Variants in NPEPPS observed in about 807,000 individuals in gnomAD.
NPEPPS encodes the protein puromycin-sensitive aminopeptidase.
NPEPPS carries 14 observed loss-of-function variants against 115.5 expected under a neutral mutation model. The ratio of observed to expected loss-of-function variants is 0.12; its 90% CI spans 0.08 to 0.19. The LOEUF is 0.19. Ranked by LOEUF, NPEPPS falls within the 10% of genes least tolerant of loss-of-function variation. The pLI is 1.00. For synonymous variants in NPEPPS, 285 were observed against 390.6 expected, an observed-to-expected ratio of 0.73 and a Z score of 3.19; for missense variants, 523 against 1,110.8, an observed-to-expected ratio of 0.47 and a Z score of 7.52.
At chr17:47,536,479 G>C (rs376115560) in intron 1 of NPEPPS, among the ~76,000 whole-genome samples, 2 of 140,202 alleles carry the variant, frequency 1.4e-5, no homozygotes, top group Non-Finnish European at 3.0e-5. Context: ...CGCAGCCTCT[G>C]CCCCCCCAGG....
intron 9 of NPEPPS, among the ~76,000 whole-genome samples, chr17:47,588,076 A>G (rs1393366428): frequency 1.3e-5 from 2 of 152,034 alleles, no homozygotes; most frequent in Non-Finnish European, 2.9e-5. Context: ...ATTCCCTGAC[A>G]TTTTAGGCTG....
chr17:47,584,075 G>C lies in NPEPPS; in HGVS notation c.648+1226G>C, dbSNP rs551367101. 3.9e-5 allele frequency among the ~76,000 whole-genome samples: 6 copies of C among 151,970 alleles called. No individual in the cohort carries two copies. In the East Asian group the frequency reaches 1.2e-3, roughly 29 times the overall value. On this transcript the variant is annotated intron_variant, in intron 5 of 22. Coordinates refer to ENST00000322157, the MANE Select transcript of NPEPPS (RefSeq NM_006310.4). The stretch of plus-strand genomic sequence containing the variant: ...ATCTCTACTAAAAATACAAAAATTA[G>C]CCAGATATGGTGGCAGGCACCTGTA...
At chr17:47,529,735 CATTATATATATATATA>C (rs1402196241), upstream of NPEPPS, among the ~76,000 whole-genome samples, 46 of 19,010 alleles carry the variant, frequency 2.4e-3, 7 homozygotes, top group Non-Finnish European at 3.6e-3. Context: ...ATTTCAGTTA[CATTATATATATATATA>C]TATATATATA....
intron 1 of NPEPPS, among the ~76,000 whole-genome samples, chr17:47,534,905 C>T (rs1417956412): frequency 6.6e-6 from 1 of 151,900 alleles, no homozygotes; most frequent in Non-Finnish European, 1.5e-5. Context: ...GGGGTGTGGA[C>T]TGCTGCAGAA....
At chr17:47,535,739 G>A (rs1488493889) in intron 1 of NPEPPS, among the ~76,000 whole-genome samples, 1 of 149,400 alleles carries the variant, frequency 6.7e-6, no homozygotes, top group African/African-American at 2.5e-5. Flanking sequence ...CTCTCCGTTT[G>A]TGGATAATTA....
chr17:47,592,104 A>G (rs756444751), intron 11 of NPEPPS, 44 bp downstream of exon 11: 9 of 1,187,462 alleles, frequency 7.6e-6, no homozygotes, highest in African/African-American at 3.1e-5. Context: ...TGGTGAAATC[A>G]TAAGAGTTTT....
intron 5 of NPEPPS, among the ~76,000 whole-genome samples, chr17:47,584,225 GA>G (rs557048993): frequency 0.012 from 1,595 of 130,306 alleles, 24 homozygotes; most frequent in African/African-American, 0.033. Context: ...CATCTCGGGG[GA>G]AAAAAAAAAA....
At chr17:47,545,048 C>CAAAA (rs1909098161) in intron 1 of NPEPPS, among the ~76,000 whole-genome samples, 1 of 150,802 alleles carries the variant, frequency 6.6e-6, no homozygotes, top group Non-Finnish European at 1.5e-5. Flanking sequence ...TTGTTCAGGC[C>CAAAA]GGAGGTCAGT....
At chr17:47,556,609 C>CG (rs1910052728) in intron 2 of NPEPPS, among the ~76,000 whole-genome samples, 1 of 152,146 alleles carries the variant, frequency 6.6e-6, no homozygotes, top group Non-Finnish European at 1.5e-5. Flanking sequence ...ACCTCCCAGA[C>CG]GGGGTGGCGG....
In NPEPPS at chr17:47,605,543, C is replaced by T; in HGVS notation, c.2086C>T (p.Pro696Ser). 6.3e-7 allele frequency: 1 copy of T among 1,583,766 alleles called. No individual in the cohort carries two copies. Among genetic ancestry groups the T allele is most frequent in the Non-Finnish European group, 8.6e-7 (1 of 1,161,818 alleles). Residue 696 changes from proline (P) to serine (S), a missense_variant, in exon 17 of 23, where the codon CCT becomes TCT. Physicochemically the swap from Pro to Ser is moderately conservative, Grantham distance 74 (BLOSUM62 -1). Around this residue, in one of 4 missense-constraint regions of NPEPPS, gnomAD observed 372 missense variants for 542.6 expected, o/e 0.69. Transcript: ENST00000322157. ...IGERLGWDPK[P>S]GEGHLDALLR... The stretch of plus-strand genomic sequence containing the variant: ...GGAGAGACTGGGCTGGGACCCCAAA[C>T]CTGGAGAAGGTAATGGATATACTAA...
chr17:47,619,621 C>A, intron 21 of NPEPPS, 116 bp from the exon 22 acceptor site: 1 of 822,020 alleles, frequency 1.2e-6, no homozygotes, highest in Non-Finnish European at 2.1e-6. Context: ...TCCCATCACA[C>A]ATCCTTTATA....
chr17:47,546,468 T>C (rs1909225923), intron 2 of NPEPPS, among the ~76,000 whole-genome samples: 2 of 152,182 alleles, frequency 1.3e-5, no homozygotes, highest in African/African-American at 2.4e-5. Flanking sequence ...ATGGGAAATA[T>C]TGAATAGTAT....
chr17:47,569,043 G>A (rs573243004), intron 2 of NPEPPS, among the ~76,000 whole-genome samples: 20 of 152,324 alleles, frequency 1.3e-4, no homozygotes, highest in African/African-American at 4.8e-4. Flanking sequence ...TTTCCTTGAT[G>A]TATCTTTAAC....
At chr17:47,566,657 G>A (rs965793200) in intron 2 of NPEPPS, among the ~76,000 whole-genome samples, 1 of 151,206 alleles carries the variant, frequency 6.6e-6, no homozygotes, top group Non-Finnish European at 1.5e-5. Context: ...GCACCACCAC[G>A]CATGATCCAC....
At chr17:47,536,127 GC>G (rs938918969) in intron 1 of NPEPPS, among the ~76,000 whole-genome samples, 1 of 152,056 alleles carries the variant, frequency 6.6e-6, no homozygotes, top group Non-Finnish European at 1.5e-5. Flanking sequence ...GAGCCACCGT[GC>G]CCAGCTGGGC....
upstream of NPEPPS, among the ~76,000 whole-genome samples, chr17:47,530,819 G>A (rs1383891234): frequency 6.6e-6 from 1 of 151,998 alleles, no homozygotes. Context: ...GACCCTGGCT[G>A]AACTGACCAA....
At chr17:47,532,658 CAAAAAAAAA>C (rs898672269) in intron 1 of NPEPPS, among the ~76,000 whole-genome samples, 1 of 51,432 alleles carries the variant, frequency 1.9e-5, no homozygotes, top group Non-Finnish European at 3.8e-5. Flanking sequence ...GACTCCGTCT[CAAAAAAAAA>C]AAAAAAAAAA....
At chr17:47,558,200 T>A (rs1055292016) in intron 2 of NPEPPS, among the ~76,000 whole-genome samples, 8 of 152,118 alleles carry the variant, frequency 5.3e-5, no homozygotes, top group African/African-American at 1.9e-4. Flanking sequence ...TGATCTCGGC[T>A]CACTGCAACC....
chr17:47,565,151 G>A (rs533911157), intron 2 of NPEPPS, among the ~76,000 whole-genome samples: 1 of 152,248 alleles, frequency 6.6e-6, no homozygotes, highest in African/African-American at 2.4e-5. Context: ...AGTGATAAGT[G>A]CTGTAAAATC....
Sources: allele counts gnomAD v4.1 joint callset (sites outside exome capture counted in the v4.1 genomes callset), GRCh38; gene constraint gnomAD v4.1.1; regional missense constraint gnomAD v4.1.1; transcripts MANE v1.5; gene names NCBI Gene and HGNC (gene_info 2026-07-23, HGNC 2026-07-21).